The following TLNRD1 variants were observed in gnomAD, a reference collection of about 807,000 sequenced individuals.
The protein encoded by TLNRD1 is talin rod domain-containing protein 1.
A neutral mutation model predicts 19.5 loss-of-function variants in TLNRD1; 14 were observed. The ratio of observed to expected loss-of-function variants is 0.72; its 90% confidence interval spans 0.47 to 1.12. The LOEUF is 1.12. TLNRD1 is among the 50% of genes most tolerant of loss of function. The probability of loss-of-function intolerance (pLI) is 0.00; values close to 1 mark genes in which losing one functional copy is unlikely to be tolerated. For missense variants in TLNRD1, 569 were observed against 531.9 expected (o/e 1.07, Z -0.69); for synonymous variants, 345 against 261.7 (o/e 1.32, Z -3.07).
Position 81,003,464 on chromosome 15 carries a change from C to T in TLNRD1, c.*104C>T. 8.0e-7 allele frequency: 1 copy of T among 1,246,860 alleles called. No homozygotes were observed. Among genetic ancestry groups the T allele is most frequent in the Non-Finnish European group, 1.1e-6 (1 of 911,808 alleles). The allele number at this position is 1,246,860 out of a possible 1,614,324, so 77.2% of individuals were successfully genotyped here. A position where few individuals can be genotyped will look rare whatever the true frequency, so the allele number is the denominator to read the frequency against. ...AAGAAATCATAGGTGAAACCCCCTA[C>T]CCTCCCCAACGTTAAATGCTCGAGA... On this transcript the variant is annotated 3_prime_UTR_variant, in exon 1 of 1. Transcript: ENST00000267984.
rs962893605 is a variant in TLNRD1, at chr15:81,002,352, G to C, written c.81G>C (p.Ser27=). 1.1e-5 allele frequency: 15 copies of C among 1,410,516 alleles called. No individual in the cohort carries two copies. Among genetic ancestry groups the C allele is most frequent in the Non-Finnish European group, 1.4e-5 (15 of 1,076,856 alleles). 87.4% of individuals were successfully genotyped at this position (1,410,516 alleles called of 1,614,324 possible). ...APASAIGGAS[S]QPRKRLVSVC... ...CGAGCGCCATCGGCGGGGCCAGCTC[G>C]CAGCCGCGGAAGAGGCTGGTATCCG... The change falls in exon 1 of 1, where the codon TCG becomes TCC. Residue 27 remains serine (S), a synonymous_variant. Transcript: ENST00000267984.
In TLNRD1 at chr15:81,002,568, G is replaced by T; in HGVS notation, c.297G>T (p.Gln99His). The T allele has an allele frequency of 6.8e-7, 1 of 1,465,468 alleles. No individual in the cohort carries two copies. 90.8% of individuals were successfully genotyped at this position (1,465,468 alleles called of 1,614,324 possible). The change falls in exon 1 of 1, where the codon CAG (glutamine) becomes CAT (histidine). Residue 99 changes from glutamine to histidine, a missense_variant. Gln to His is a conservative substitution (Grantham distance 24). Transcript: ENST00000267984. Reference protein sequence around the residue: ...LSILTHDVQSQLNMGRFGEAG... With the variant: ...LSILTHDVQSHLNMGRFGEAG... ...TCCTCACCCACGACGTGCAGAGCCAGCTCAACATGGGCCGCTTCGGGGAGG... is the reference window on the plus strand; with the variant it reads ...TCCTCACCCACGACGTGCAGAGCCATCTCAACATGGGCCGCTTCGGGGAGG...
At position 81,005,044 on chromosome 15, in the gene TLNRD1, T is replaced by G. The variant is rs1247406064; in HGVS notation, c.*1684T>G. 6.0e-6 allele frequency: 1 copy of G among 167,102 alleles called. No individual in the cohort carries two copies. Among genetic ancestry groups the G allele is most frequent in the Non-Finnish European group, 1.5e-5 (1 of 68,124 alleles). 10.4% of individuals were successfully genotyped at this position (167,102 alleles called of 1,614,324 possible). A position where few individuals can be genotyped will look rare whatever the true frequency, so the allele number is the denominator to read the frequency against. On this transcript the variant is annotated 3_prime_UTR_variant, in exon 1 of 1. Transcript: ENST00000267984. Reference sequence around the variant, plus strand: ...AAAGTCATATTGACTATTTTACTTGTTTGAATCGCTGTTTTTATTACAATG... The same window carrying G: ...AAAGTCATATTGACTATTTTACTTGGTTGAATCGCTGTTTTTATTACAATG...
rs1026924657 is a variant in TLNRD1 at position 81,001,768 on chromosome 15, C to G, written c.-504C>G. On this transcript the variant is annotated 5_prime_UTR_variant, in exon 1 of 1. Transcript: ENST00000267984. ...CGCGGCGGCTGACAGCACAGCCCGC[C>G]TGAGCTGCCTCCCGCGCTCCTCCCC... 2 of 152,110 alleles carry G rather than the reference C, an allele frequency of 1.3e-5. No individual in the cohort carries two copies. The highest frequency in any genetic ancestry group is 4.8e-5 in the African/African-American group (2 of 41,442). 9.4% of individuals were successfully genotyped at this position (152,110 alleles called of 1,614,324 possible).
chr15:81,002,919 G>A lies in TLNRD1; in HGVS notation c.648G>A (p.Leu216=). ...GCTTTTCGCGGGAGCAGTTCAAGCT[G>A]GGCGTCAAGTGCATGAGCACCAGCG... ...RDRFSREQFK[L]GVKCMSTSAS... is the part of the protein sequence containing the mutation. Residue 216 remains leucine, a synonymous_variant, in exon 1 of 1, where the codon CTG becomes CTA. Transcript: ENST00000267984. The A allele has an allele frequency of 6.3e-7, 1 of 1,597,080 alleles. No individual in the cohort carries two copies. The highest frequency in any genetic ancestry group is 1.1e-5 in the South Asian group (1 of 90,932).
chr15:81,003,009 C>G lies in TLNRD1; in HGVS notation c.738C>G (p.Arg246=). Residue 246 remains arginine (R), a synonymous_variant, in exon 1 of 1, where the codon CGC becomes CGG. Coordinates refer to ENST00000267984, the MANE Select transcript of TLNRD1 (RefSeq NM_022566.3). ...CGCCCAGTGAGCTGGCGCGCAGCCG[C>G]TGTGCGCTCTTCAGCGGGCCCCTGG... ...KVAPSELARS[R]CALFSGPLVQ... The G allele has an allele frequency of 6.4e-7, 1 of 1,563,536 alleles. No homozygotes were observed. The highest frequency in any genetic ancestry group is 8.6e-7 in the Non-Finnish European group (1 of 1,161,480).
rs1457770088 is a variant in TLNRD1 at position 81,003,014 on chromosome 15, C to A, written c.743C>A (p.Ala248Glu). The change falls in exon 1 of 1, where the codon GCG becomes GAG. Residue 248 changes from alanine to glutamate, a missense_variant. Ala to Glu is a moderately radical substitution (Grantham distance 107, BLOSUM62 -1). Coordinates refer to ENST00000267984, the MANE Select transcript of TLNRD1 (RefSeq NM_022566.3). ...AGTGAGCTGGCGCGCAGCCGCTGTG[C>A]GCTCTTCAGCGGGCCCCTGGTGCAG... ...APSELARSRC[A>E]LFSGPLVQAV... 1.9e-6 allele frequency: 3 copies of A among 1,557,802 alleles called. No homozygotes were observed. Among genetic ancestry groups the A allele is most frequent in the Non-Finnish European group, 2.6e-6 (3 of 1,158,500 alleles).
Position 81,003,255 on chromosome 15 carries a change from C to G in TLNRD1, c.984C>G (p.Asn328Lys). ...CGGACCACAGGGAGAGGCTGAGGAA[C>G]TCGGCCTGCGCCGTGTCTGAAGGCT... Reference protein sequence around the residue: ...KMSDHRERLRNSACAVSEGCT... With the variant: ...KMSDHRERLRKSACAVSEGCT... Residue 328 changes from asparagine (N) to lysine (K), a missense_variant, in exon 1 of 1, where the codon AAC becomes AAG. Coordinates refer to ENST00000267984, the MANE Select transcript of TLNRD1 (RefSeq NM_022566.3). 6.2e-7 allele frequency: 1 copy of G among 1,608,394 alleles called. No individual in the cohort carries two copies. The highest frequency in any genetic ancestry group is 1.3e-5 in the African/African-American group (1 of 75,012).
Position 81,002,736 on chromosome 15 carries a change from A to AT in TLNRD1, c.466dup (p.Cys156LeufsTer48). 1 of 1,534,910 alleles carries AT rather than the reference A, an allele frequency of 6.5e-7. No individual in the cohort carries two copies. Among genetic ancestry groups the AT allele is most frequent in the Non-Finnish European group, 8.7e-7 (1 of 1,146,414 alleles). ...TGGTGGACCGCTACCGCGTGACGCG[A>AT]TGCCGCCACGAGGTGGAGCAGGGTT... On this transcript the variant is annotated frameshift_variant, in exon 1 of 1. Coordinates refer to ENST00000267984, the MANE Select transcript of TLNRD1 (RefSeq NM_022566.3). LOFTEE classifies it high-confidence loss of function.
rs1285899149 is a variant in TLNRD1, at chr15:81,002,541, C to A, written c.270C>A (p.Ser90=). ...DTIIARTKGL[S]ILTHDVQSQL... ...TCATCGCGCGCACCAAGGGGCTCTC[C>A]ATCCTCACCCACGACGTGCAGAGCC... Residue 90 remains serine, a synonymous_variant, in exon 1 of 1, where the codon TCC becomes TCA. Coordinates refer to ENST00000267984, the MANE Select transcript of TLNRD1 (RefSeq NM_022566.3). 6.9e-7 allele frequency: 1 copy of A among 1,458,756 alleles called. No individual in the cohort carries two copies. The highest frequency in any genetic ancestry group is 1.4e-5 in the South Asian group (1 of 71,654). 90.4% of individuals were successfully genotyped at this position (1,458,756 alleles called of 1,614,324 possible). A position where few individuals can be genotyped will look rare whatever the true frequency, so the allele number is the denominator to read the frequency against.
chr15:81,002,351 C>G lies in TLNRD1; in HGVS notation c.80C>G (p.Ser27Trp). Reference sequence around the variant, plus strand: ...GCGAGCGCCATCGGCGGGGCCAGCTCGCAGCCGCGGAAGAGGCTGGTATCC... The same window carrying G: ...GCGAGCGCCATCGGCGGGGCCAGCTGGCAGCCGCGGAAGAGGCTGGTATCC... Reference protein sequence around the residue: ...APASAIGGASSQPRKRLVSVC... With the variant: ...APASAIGGASWQPRKRLVSVC... Residue 27 changes from serine to tryptophan, a missense_variant, in exon 1 of 1, where the codon TCG (serine) becomes TGG (tryptophan). Transcript: ENST00000267984. 1 of 1,412,748 alleles carries G rather than the reference C, an allele frequency of 7.1e-7. No homozygotes were observed. Among genetic ancestry groups the G allele is most frequent in the Non-Finnish European group, 9.3e-7 (1 of 1,077,994 alleles). The allele number at this position is 1,412,748 out of a possible 1,614,324, so 87.5% of individuals were successfully genotyped here.
rs894391766 is a variant in TLNRD1, at chr15:81,003,596, TCTG to T, written c.*240_*242del. ...GCAGTAGGGACTGGAAGATATGTCA[TCTG>T]CTGGTTGTGTTATCACTCCCACCCC... On this transcript the variant is annotated 3_prime_UTR_variant, in exon 1 of 1. Coordinates refer to ENST00000267984, the MANE Select transcript of TLNRD1 (RefSeq NM_022566.3). The T allele has an allele frequency of 8.7e-6, 4 of 457,818 alleles. No individual in the cohort carries two copies. Among genetic ancestry groups the T allele is most frequent in the African/African-American group, 8.1e-5 (4 of 49,448 alleles). 28.4% of individuals were successfully genotyped at this position (457,818 alleles called of 1,614,324 possible).
In TLNRD1 at chr15:81,002,013, G is replaced by A. The variant is rs114310271; in HGVS notation, c.-259G>A. 4.5e-3 allele frequency: 1,253 copies of A among 276,420 alleles called. 15 individuals carry two copies. The highest frequency in any genetic ancestry group is 0.026 in the African/African-American group (1,178 of 44,746). 17.1% of individuals were successfully genotyped at this position (276,420 alleles called of 1,614,324 possible). ...CATGGTTCCTGCAAGCCCTCTAGGAGGCCGAAAGCTGCAGCCCCTCCCCTT... is the reference window on the plus strand; with the variant it reads ...CATGGTTCCTGCAAGCCCTCTAGGAAGCCGAAAGCTGCAGCCCCTCCCCTT... On this transcript the variant is annotated 5_prime_UTR_variant, in exon 1 of 1. Coordinates refer to ENST00000267984, the MANE Select transcript of TLNRD1 (RefSeq NM_022566.3).
In TLNRD1 at chr15:81,005,607, T is replaced by C. The variant is rs1157046111; in HGVS notation, c.*2247T>C. The C allele has an allele frequency of 6.0e-6, 1 of 166,920 alleles. No homozygotes were observed. Among genetic ancestry groups the C allele is most frequent in the Non-Finnish European group, 1.5e-5 (1 of 68,100 alleles). 10.3% of individuals were successfully genotyped at this position (166,920 alleles called of 1,614,324 possible). ...CGATTTTCAGGACAACTCAAGCCAATTAAAAAAAAGAAAATCACTTTCCCT... is the reference window on the plus strand; with the variant it reads ...CGATTTTCAGGACAACTCAAGCCAACTAAAAAAAAGAAAATCACTTTCCCT... On this transcript the variant is annotated 3_prime_UTR_variant, in exon 1 of 1. Transcript: ENST00000267984.
Position 81,003,213 on chromosome 15 carries a change from C to G in TLNRD1, c.942C>G (p.Asp314Glu). Residue 314 changes from aspartate to glutamate, a missense_variant, in exon 1 of 1, where the codon GAC (aspartate) becomes GAG (glutamate). Asp to Glu is a conservative substitution (Grantham distance 45). Transcript: ENST00000267984. ...TCAGGGATCTGGCGCAGCACCCCGA[C>G]GGGGGCGCCAAGATGTCGGACCACA... ...QCLRDLAQHP[D>E]GGAKMSDHRE... 10 of 1,600,138 alleles carry G rather than the reference C, an allele frequency of 6.2e-6. No homozygotes were observed. Among genetic ancestry groups the G allele is most frequent in the South Asian group, 1.1e-5 (1 of 88,862 alleles).
At position 81,003,036 on chromosome 15, in the gene TLNRD1, G is replaced by T; in HGVS notation, c.765G>T (p.Val255=). The T allele has an allele frequency of 6.4e-7, 1 of 1,551,726 alleles. No homozygotes were observed. Among genetic ancestry groups the T allele is most frequent in the South Asian group, 1.2e-5 (1 of 85,848 alleles). ...GTGCGCTCTTCAGCGGGCCCCTGGTGCAGGCAGTGAGCGCCCTGGTAGGCT... is the reference window on the plus strand; with the variant it reads ...GTGCGCTCTTCAGCGGGCCCCTGGTTCAGGCAGTGAGCGCCCTGGTAGGCT... ...SRCALFSGPL[V]QAVSALVGFA... Residue 255 remains valine (V), a synonymous_variant, in exon 1 of 1, where the codon GTG becomes GTT. Coordinates refer to ENST00000267984, the MANE Select transcript of TLNRD1 (RefSeq NM_022566.3).
rs1173321862 is a variant in TLNRD1, at chr15:81,002,396, G to A, written c.125G>A (p.Gly42Asp). The change falls in exon 1 of 1, where the codon GGC (glycine) becomes GAC (aspartate). Residue 42 changes from glycine (G) to aspartate (D), a missense_variant. By Grantham distance (94) the Gly-to-Asp change is moderately conservative. Transcript: ENST00000267984. Reference protein sequence around the residue: ...RLVSVCDHCKGKMQLVADLLL... With the variant: ...RLVSVCDHCKDKMQLVADLLL... ...GTATCCGTCTGCGACCACTGCAAGG[G>A]CAAGATGCAGCTGGTGGCTGACCTG... 1.3e-6 allele frequency: 2 copies of A among 1,552,936 alleles called. No individual in the cohort carries two copies. Among genetic ancestry groups the A allele is most frequent in the Admixed American group, 1.8e-5 (1 of 55,398 alleles).
Position 81,002,281 on chromosome 15 carries a change from G to A in TLNRD1, c.10G>A (p.Gly4Ser). 7.8e-7 allele frequency: 1 copy of A among 1,285,674 alleles called. No homozygotes were observed. Among genetic ancestry groups the A allele is most frequent in the Non-Finnish European group, 9.9e-7 (1 of 1,014,392 alleles). 79.6% of individuals were successfully genotyped at this position (1,285,674 alleles called of 1,614,324 possible). The change falls in exon 1 of 1, where the codon GGC becomes AGC. Residue 4 changes from glycine to serine, a missense_variant. Gly to Ser is a moderately conservative substitution (Grantham distance 56, BLOSUM62 0). Transcript: ENST00000267984. MAS[G>S]SAGKPTGEAA... Reference sequence around the variant, plus strand: ...GTGCCCCCCGGGCGCGATGGCTAGCGGCAGCGCCGGGAAGCCCACTGGCGA... The same window carrying A: ...GTGCCCCCCGGGCGCGATGGCTAGCAGCAGCGCCGGGAAGCCCACTGGCGA...
rs1429689772 is a variant in TLNRD1 at position 81,001,254 on chromosome 15, G to A, written c.-1018G>A. The stretch of plus-strand genomic sequence containing the variant: ...CGGTGGCAGGGAGACTCGTGCAGGG[G>A]CGTCCGATGCGCGGGGCCCGGGGCC... On this transcript the variant is annotated 5_prime_UTR_variant, in exon 1 of 1. Coordinates refer to ENST00000267984, the MANE Select transcript of TLNRD1 (RefSeq NM_022566.3). The A allele has an allele frequency of 1.3e-5, 2 of 152,466 alleles. No individual in the cohort carries two copies. The highest frequency in any genetic ancestry group is 2.4e-5 in the African/African-American group (1 of 41,568). 9.4% of individuals were successfully genotyped at this position (152,466 alleles called of 1,614,324 possible).
Sources: allele counts gnomAD v4.1 joint callset, GRCh38; gene constraint gnomAD v4.1.1; transcripts MANE v1.5; gene names NCBI Gene and HGNC (gene_info 2026-07-23, HGNC 2026-07-21).